Variants in PDE4D observed in about 807,000 individuals in gnomAD.
PDE4D encodes 3',5'-cyclic-AMP phosphodiesterase 4D.
A neutral mutation model predicts 87.4 loss-of-function variants in PDE4D; 24 were observed. That is an observed-to-expected ratio of 0.27 (90% CI 0.20 to 0.39). PDE4D has a LOEUF of 0.39. Among genes scored for constraint, PDE4D ranks in the 10% least tolerant of loss-of-function variants. PDE4D has a pLI of 1.00. For synonymous variants in PDE4D, 384 were observed against 383.2 expected, an observed-to-expected ratio of 1.00 and a Z score of -0.02; for missense variants, 714 against 1,041.0, an observed-to-expected ratio of 0.69 and a Z score of 4.32.
intron 1 of PDE4D, among the ~76,000 whole-genome samples, chr5:60,381,400 C>T (rs777285908): frequency 3.0e-4 from 45 of 152,214 alleles, no homozygotes; most frequent in Non-Finnish European, 5.9e-4. Flanking sequence ...CTTTTCCCCA[C>T]ATATCTTTTG....
chr5:59,912,352 A>G (rs1242091512), intron 3 of PDE4D, among the ~76,000 whole-genome samples: 1 of 152,220 alleles, frequency 6.6e-6, no homozygotes, highest in East Asian at 1.9e-4. Flanking sequence ...TGAGGAAAAT[A>G]TTTCCCGGGA....
At chr5:59,863,736 CT>C (rs1218891300) in intron 1 of PDE4D, among the ~76,000 whole-genome samples, 7 of 152,092 alleles carry the variant, frequency 4.6e-5, no homozygotes, top group Non-Finnish European at 7.4e-5. Context: ...CATGAGATGT[CT>C]TTTAGTTCCC....
chr5:59,812,316 G>T (rs1768446017), intron 1 of PDE4D, among the ~76,000 whole-genome samples: 2 of 152,214 alleles, frequency 1.3e-5, no homozygotes. Flanking sequence ...TCTGCAGGAT[G>T]GTTGTAGCCC....
intron 1 of PDE4D, among the ~76,000 whole-genome samples, chr5:60,213,353 C>A (rs1021309140): frequency 6.6e-6 from 1 of 152,120 alleles, no homozygotes; most frequent in Non-Finnish European, 1.5e-5. Flanking sequence ...GTCACTGACA[C>A]CATGGTGTCT....
chr5:59,705,987 A>G (rs1255317772), intron 1 of PDE4D, among the ~76,000 whole-genome samples: 2 of 152,220 alleles, frequency 1.3e-5, no homozygotes, highest in East Asian at 1.9e-4. Context: ...ATCTCAAAAT[A>G]TAAATTCTGG....
chr5:59,456,244 A>C (rs1383414608), intron 1 of PDE4D, among the ~76,000 whole-genome samples: 1 of 152,130 alleles, frequency 6.6e-6, no homozygotes, highest in Non-Finnish European at 1.5e-5. Context: ...TCGTGGGGGA[A>C]ACCCAGTGGG....
intron 1 of PDE4D, among the ~76,000 whole-genome samples, chr5:60,324,554 C>G (rs1200704241): frequency 6.6e-6 from 1 of 152,228 alleles, no homozygotes; most frequent in Non-Finnish European, 1.5e-5. Context: ...GGGAGAATCA[C>G]TTGAACCCAG....
intron 2 of PDE4D, among the ~76,000 whole-genome samples, chr5:60,056,845 C>A (rs191964241): frequency 6.6e-6 from 1 of 151,986 alleles, no homozygotes; most frequent in South Asian, 2.1e-4. Flanking sequence ...CACACACAAA[C>A]ATGAGCTCTA....
In PDE4D at chr5:60,392,185, AG is replaced by A. The variant is rs139584245; in HGVS notation, c.-90+95756del. Among the ~76,000 whole-genome samples the A allele has an allele frequency of 3.6e-3, 548 of 152,330 alleles. 5 individuals carry two copies. The highest frequency in any genetic ancestry group is 0.012 in the African/African-American group (513 of 41,582). On this transcript the variant is annotated intron_variant, in intron 1 of 16. Coordinates refer to the PDE4D transcript ENST00000502484. Reference sequence around the variant, plus strand: ...GATCTCTAGGACCAAAGATACCCTGAGTTTGTACTGATGGTTTTTATTGTTT... The same window carrying A: ...GATCTCTAGGACCAAAGATACCCTGATTTGTACTGATGGTTTTTATTGTTT...
In PDE4D at chr5:60,034,249, C is replaced by T. The variant is rs1438298917; in HGVS notation, c.43-45532G>A. ...GGAAGTGCATTCATTTCCCATTGCC[C>T]TTACAACAAATTAACACAAACTGAG... On this transcript the variant is annotated intron_variant, in intron 2 of 16. Transcript: ENST00000502484. Among the ~76,000 whole-genome samples, 5 of 152,228 alleles carry T rather than the reference C, an allele frequency of 3.3e-5. No homozygotes were observed. The South Asian group carries it at 8.3e-4, about 25-fold the overall frequency.
chr5:60,027,235 C>T (rs1479005680), intron 2 of PDE4D, among the ~76,000 whole-genome samples: 3 of 152,156 alleles, frequency 2.0e-5, no homozygotes, highest in African/African-American at 7.2e-5. Context: ...CCTCCCTCTT[C>T]CCTCTTGGAG....
chr5:59,403,162 CAGACAGACAGACAGAT>C (rs1462029381), intron 1 of PDE4D, among the ~76,000 whole-genome samples: 75 of 108,242 alleles, frequency 6.9e-4, no homozygotes, highest in Middle Eastern at 4.7e-3. Context: ...GACAGACAGA[CAGACAGACAGACAGAT>C]AGATAGATAG....
intron 3 of PDE4D, among the ~76,000 whole-genome samples, chr5:59,185,820 G>A (rs748378200): frequency 1.1e-4 from 16 of 152,134 alleles, no homozygotes; most frequent in Admixed American, 2.0e-4. Flanking sequence ...TCAGGGATGC[G>A]TTTCTTATGT....
intron 1 of PDE4D, among the ~76,000 whole-genome samples, chr5:60,433,428 T>C (rs1744514605): frequency 6.6e-6 from 1 of 152,160 alleles, no homozygotes; most frequent in African/African-American, 2.4e-5. Context: ...GTAACAGTTG[T>C]TGGTGATACT....
chr5:60,070,634 G>A (rs1390836229), intron 2 of PDE4D, among the ~76,000 whole-genome samples: 1 of 151,982 alleles, frequency 6.6e-6, no homozygotes, highest in Non-Finnish European at 1.5e-5. Context: ...ATTCTTCAGG[G>A]ATATTGGCCT....
chr5:60,238,347 A>AT (rs1217904441), intron 1 of PDE4D, among the ~76,000 whole-genome samples: 2 of 151,922 alleles, frequency 1.3e-5, no homozygotes, highest in African/African-American at 4.8e-5. Flanking sequence ...GTATCATGCT[A>AT]TTTCAAAATA....
At chr5:60,168,912 CATA>C (rs749652423) in intron 2 of PDE4D, among the ~76,000 whole-genome samples, 2 of 152,102 alleles carry the variant, frequency 1.3e-5, no homozygotes, top group Non-Finnish European at 1.5e-5. Context: ...CCTCATGCAA[CATA>C]ATGATTGAAA....
intron 3 of PDE4D, among the ~76,000 whole-genome samples, chr5:59,968,677 T>A (rs1038204334): frequency 6.6e-6 from 1 of 152,176 alleles, no homozygotes; most frequent in African/African-American, 2.4e-5. Flanking sequence ...AAACCTAGAT[T>A]TGATATTCTG....
chr5:60,091,467 C>A (rs1775100282), intron 2 of PDE4D, among the ~76,000 whole-genome samples: 1 of 151,900 alleles, frequency 6.6e-6, no homozygotes, highest in Non-Finnish European at 1.5e-5. Context: ...TGGTAATTAT[C>A]AAAAAGACAA....
Sources: allele counts gnomAD v4.1 joint callset (sites outside exome capture counted in the v4.1 genomes callset), GRCh38; gene constraint gnomAD v4.1.1; transcripts MANE v1.5; gene names NCBI Gene and HGNC (gene_info 2026-07-23, HGNC 2026-07-21).